Variants in WASF2 observed in about 807,000 individuals in gnomAD.
WASF2 encodes the protein WASP family member 2.
In WASF2, 14 loss-of-function variants were observed where a neutral mutation model predicts 45.0. That is an observed-to-expected ratio of 0.31 (90% CI 0.21 to 0.49). The LOEUF (loss-of-function observed/expected upper bound fraction) is 0.49, where lower values mean the gene tolerates loss of function less well. Among genes scored for constraint, WASF2 ranks in the 20% least tolerant of loss-of-function variants. WASF2 has a pLI of 0.99. For synonymous variants in WASF2, 200 were observed against 236.3 expected (o/e 0.85, Z 1.41); for missense variants, 439 against 636.1 (o/e 0.69, Z 3.33).
intron 2 of WASF2, among the ~76,000 whole-genome samples, chr1:27,422,672 A>G (rs2016925878): frequency 6.6e-6 from 1 of 151,400 alleles, no homozygotes; most frequent in Non-Finnish European, 1.5e-5. Context: ...TTCTATTTAT[A>G]CTCGTGTACT....
At chr1:27,416,197 A>G (rs2016824176) in intron 4 of WASF2, 95 bp from the exon 5 acceptor site, 5 of 1,033,248 alleles carry the variant, frequency 4.8e-6, no homozygotes, top group Non-Finnish European at 4.5e-6. Flanking sequence ...CAGTTTTTAC[A>G]CCAAGGAATC....
chr1:27,405,305 G>A lies in WASF2; in HGVS notation c.*2884C>T, dbSNP rs2016652023. 2 of 152,270 alleles carry A rather than the reference G, an allele frequency of 1.3e-5. No homozygotes were observed. The highest frequency in any genetic ancestry group is 2.9e-5 in the Non-Finnish European group (2 of 68,122). The allele number at this position is 152,270 out of a possible 1,614,324, so 9.4% of individuals were successfully genotyped here. ...CTCCCCCAGGCTGCTCCTTTGGAAT[G>A]TACCCATCTCACAACCAAGGCAAAG... On this transcript the variant is annotated 3_prime_UTR_variant, in exon 9 of 9. Coordinates refer to ENST00000618852, the MANE Select transcript of WASF2 (RefSeq NM_006990.5).
At chr1:27,429,595 G>A (rs143522697) in intron 1 of WASF2, among the ~76,000 whole-genome samples, 8 of 152,188 alleles carry the variant, frequency 5.3e-5, no homozygotes, top group African/African-American at 1.9e-4. Flanking sequence ...GGCCAAGATG[G>A]TGAAACCCTG....
chr1:27,415,176 C>T (rs1348774235), intron 5 of WASF2, among the ~76,000 whole-genome samples: 2 of 152,194 alleles, frequency 1.3e-5, no homozygotes, highest in Non-Finnish European at 2.9e-5. Flanking sequence ...ATCCCACACT[C>T]AAATGCCTCC....
Position 27,409,828 on chromosome 1 carries a change from C to A in WASF2, c.1203G>T (p.Gly401=), listed in dbSNP as rs1204591008. 1.3e-6 allele frequency: 2 copies of A among 1,554,352 alleles called. No homozygotes were observed. The highest frequency in any genetic ancestry group is 1.7e-6 in the Non-Finnish European group (2 of 1,148,124). Residue 401 remains glycine (G), a synonymous_variant, in exon 8 of 9, where the codon GGG becomes GGT. Coordinates refer to ENST00000618852, the MANE Select transcript of WASF2 (RefSeq NM_006990.5). ...PPPPPPPPPP[G]PPPPPFTGAD... ...CACCAGTGAAAGGGGGAGGAGGGGG[C>A]CCCGGAGGAGGAGGAGGAGGGGGAG...
chr1:27,480,374 G>A (rs1173900220), intron 1 of WASF2, among the ~76,000 whole-genome samples: 2 of 151,848 alleles, frequency 1.3e-5, no homozygotes, highest in Admixed American at 6.6e-5. Context: ...AAAATTAGCC[G>A]AGTATGGTGG....
At chr1:27,473,726 A>G (rs2017725974) in intron 1 of WASF2, among the ~76,000 whole-genome samples, 1 of 152,230 alleles carries the variant, frequency 6.6e-6, no homozygotes, top group African/African-American at 2.4e-5. Context: ...AGACCAAAAC[A>G]CTTCCAATAT....
chr1:27,416,579 A>G (rs2016829236), intron 4 of WASF2, among the ~76,000 whole-genome samples: 1 of 152,260 alleles, frequency 6.6e-6, no homozygotes, highest in Admixed American at 6.5e-5. Flanking sequence ...ATATGTACAC[A>G]TATATACGTG....
intron 1 of WASF2, among the ~76,000 whole-genome samples, chr1:27,433,587 G>A (rs933485645): frequency 3.9e-5 from 6 of 152,178 alleles, no homozygotes; most frequent in African/African-American, 1.4e-4. Flanking sequence ...TTGGGCAGAA[G>A]GCTGGAAGTA....
intron 1 of WASF2, among the ~76,000 whole-genome samples, chr1:27,439,928 A>T (rs1279907402): frequency 6.6e-6 from 1 of 152,172 alleles, no homozygotes; most frequent in Non-Finnish European, 1.5e-5. Flanking sequence ...TTAACGCGGG[A>T]CGTTGAAGCT....
intron 1 of WASF2, among the ~76,000 whole-genome samples, chr1:27,444,147 C>T (rs2474300): frequency 0.99 from 150,691 of 152,306 alleles, 74,563 homozygotes; most frequent in Middle Eastern, 1. Context: ...GTGGTGTGAA[C>T]GTGACTCATG....
chr1:27,415,485 G>A (rs1189820967), intron 5 of WASF2, among the ~76,000 whole-genome samples: 1 of 152,200 alleles, frequency 6.6e-6, no homozygotes, highest in Non-Finnish European at 1.5e-5. Context: ...CAACTGGTAG[G>A]TCACATACAT....
chr1:27,412,542 A>C, intron 7 of WASF2, 30 bp downstream of exon 7: 2 of 1,613,704 alleles, frequency 1.2e-6, no homozygotes, highest in African/African-American at 2.7e-5. Context: ...ATAACTACCA[A>C]TAGTGGATGG....
chr1:27,418,546 T>C (rs2016857502), intron 3 of WASF2, 124 bp from the exon 4 acceptor site: 1 of 1,334,954 alleles, frequency 7.5e-7, no homozygotes, highest in Admixed American at 2.4e-5. Context: ...AGCCAGGCTT[T>C]TTTTTTCCCT....
At chr1:27,438,281 A>T (rs2017163777) in intron 1 of WASF2, among the ~76,000 whole-genome samples, 1 of 152,222 alleles carries the variant, frequency 6.6e-6, no homozygotes, top group Non-Finnish European at 1.5e-5. Flanking sequence ...TGCAAGCAGC[A>T]CTGAGTACTG....
intron 2 of WASF2, among the ~76,000 whole-genome samples, chr1:27,419,365 G>A (rs1476832987): frequency 6.6e-6 from 1 of 152,192 alleles, no homozygotes; most frequent in Non-Finnish European, 1.5e-5. Context: ...AAACTGAAAG[G>A]TGTAATGCAA....
intron 1 of WASF2, among the ~76,000 whole-genome samples, chr1:27,488,478 C>T (rs894884617): frequency 2.0e-5 from 3 of 152,276 alleles, no homozygotes; most frequent in Admixed American, 2.0e-4. Flanking sequence ...GGAGAAGAAG[C>T]GAATGGGCTG....
intron 1 of WASF2, among the ~76,000 whole-genome samples, chr1:27,440,372 A>C (rs1452297842): frequency 6.6e-6 from 1 of 152,216 alleles, no homozygotes; most frequent in Non-Finnish European, 1.5e-5. Context: ...AAATACAAAA[A>C]TTAGCTGAAT....
At chr1:27,445,094 G>C (rs951276187) in intron 1 of WASF2, among the ~76,000 whole-genome samples, 20 of 152,192 alleles carry the variant, frequency 1.3e-4, no homozygotes, top group African/African-American at 4.1e-4. Context: ...ACATAAAGCA[G>C]TAGTAGCAAC....
Sources: allele counts gnomAD v4.1 joint callset (sites outside exome capture counted in the v4.1 genomes callset), GRCh38; gene constraint gnomAD v4.1.1; transcripts MANE v1.5; gene names NCBI Gene and HGNC (gene_info 2026-07-23, HGNC 2026-07-21).